Variants in KCND2 observed in about 807,000 individuals in gnomAD.
KCND2 encodes the protein potassium voltage-gated channel subfamily D member 2, also known as A-type voltage-gated potassium channel KCND2.
KCND2 carries 16 observed loss-of-function variants against 54.4 expected under a neutral mutation model. That is an observed-to-expected ratio of 0.29 (90% confidence interval 0.20 to 0.45). The LOEUF is 0.45. KCND2 is among the 20% of genes least tolerant of loss of function. The pLI, the probability that KCND2 is intolerant of heterozygous loss-of-function variation, is 1.00. For synonymous variants in KCND2, 317 were observed against 310.7 expected, an observed-to-expected ratio of 1.02 and a Z score of -0.21; for missense variants, 486 against 824.2, an observed-to-expected ratio of 0.59 and a Z score of 5.02.
At chr7:120,413,986 C>G (rs902783728) in intron 1 of KCND2, among the ~76,000 whole-genome samples, 1 of 149,662 alleles carries the variant, frequency 6.7e-6, no homozygotes, top group African/African-American at 2.5e-5. Context: ...ATAAGTTAAT[C>G]TATTAAACTG....
intron 1 of KCND2, among the ~76,000 whole-genome samples, chr7:120,673,916 T>A (rs1204893546): frequency 6.6e-6 from 1 of 151,608 alleles, no homozygotes; most frequent in Non-Finnish European, 1.5e-5. Context: ...TTTATTTTTT[T>A]TTTTTTCTAC....
intron 1 of KCND2, among the ~76,000 whole-genome samples, chr7:120,375,061 A>C (rs913510247): frequency 1.3e-5 from 2 of 151,850 alleles, no homozygotes; most frequent in East Asian, 3.9e-4. Context: ...CTCTTGGAAT[A>C]ATGCCAGGAA....
At chr7:120,572,456 T>C (rs918795746) in intron 1 of KCND2, among the ~76,000 whole-genome samples, 3 of 152,188 alleles carry the variant, frequency 2.0e-5, no homozygotes, top group African/African-American at 7.2e-5. Flanking sequence ...AGGCAATACA[T>C]TGCCTTACTT....
At chr7:120,616,461 A>G (rs1793026088) in intron 1 of KCND2, among the ~76,000 whole-genome samples, 1 of 152,198 alleles carries the variant, frequency 6.6e-6, no homozygotes, top group Non-Finnish European at 1.5e-5. Flanking sequence ...TAAGAATCTG[A>G]TAGAAATTGA....
chr7:120,292,285 TA>T (rs2116278079), intron 1 of KCND2, among the ~76,000 whole-genome samples: 1 of 152,048 alleles, frequency 6.6e-6, no homozygotes, highest in East Asian at 1.9e-4. Flanking sequence ...TATTACTTTT[TA>T]TTTTTTTAAG....
At chr7:120,429,531 G>C (rs1427537301) in intron 1 of KCND2, among the ~76,000 whole-genome samples, 6 of 150,526 alleles carry the variant, frequency 4.0e-5, no homozygotes, top group Non-Finnish European at 8.9e-5. Flanking sequence ...GGGTTGGAGA[G>C]GGGGGAAGGG....
At chr7:120,407,019 G>A (rs1386566437) in intron 1 of KCND2, among the ~76,000 whole-genome samples, 2 of 151,766 alleles carry the variant, frequency 1.3e-5, no homozygotes, top group Non-Finnish European at 2.9e-5. Flanking sequence ...AAGGGCGTGA[G>A]TGAGATTTTG....
At chr7:120,746,875 T>C (rs1158033703) in intron 5 of KCND2, 1 of 152,120 alleles carries the variant, frequency 6.6e-6, no homozygotes, top group Non-Finnish European at 1.5e-5. Flanking sequence ...ATTCAGGTGA[T>C]GTTGATTTAC....
chr7:120,659,401 C>G (rs1387532233), intron 1 of KCND2, among the ~76,000 whole-genome samples: 3 of 152,184 alleles, frequency 2.0e-5, no homozygotes, highest in Non-Finnish European at 4.4e-5. Context: ...CATGCAGTCT[C>G]CTTGACTAGA....
At chr7:120,341,462 C>A (rs1800238456) in intron 1 of KCND2, among the ~76,000 whole-genome samples, 1 of 151,956 alleles carries the variant, frequency 6.6e-6, no homozygotes, top group African/African-American at 2.4e-5. Flanking sequence ...TGTTAAGGGG[C>A]CTTGAAAAAT....
In KCND2 at chr7:120,275,101, G is replaced by T. The variant is rs144765242; in HGVS notation, c.469G>T (p.Ala157Ser). 1.9e-6 allele frequency: 3 copies of T among 1,613,588 alleles called. No homozygotes were observed. Among genetic ancestry groups the T allele is most frequent in the Non-Finnish European group, 1.7e-6 (2 of 1,179,894 alleles). Residue 157 changes from alanine (A) to serine (S), a missense_variant, in exon 1 of 6, where the codon GCT becomes TCT. By Grantham distance (99) the Ala-to-Ser change is moderately conservative. Around this residue, in one of 7 missense-constraint regions of KCND2, gnomAD observed 231 missense variants for 386.0 expected, o/e 0.60. Coordinates refer to ENST00000331113, the MANE Select transcript of KCND2 (RefSeq NM_012281.3). The part of the protein sequence containing the change: ...RLQDDADTDT[A>S]GESALPTMTA... ...GCAGGACGACGCGGATACCGACACC[G>T]CTGGGGAGAGCGCCTTGCCCACCAT...
intron 1 of KCND2, among the ~76,000 whole-genome samples, chr7:120,568,205 G>C (rs1046030323): frequency 6.6e-6 from 1 of 152,044 alleles, no homozygotes; most frequent in Non-Finnish European, 1.5e-5. Flanking sequence ...AGTAAATTCT[G>C]TGGAGTTGCA....
At chr7:120,709,245 T>G (rs1055062076) in intron 1 of KCND2, among the ~76,000 whole-genome samples, 3 of 152,168 alleles carry the variant, frequency 2.0e-5, no homozygotes, top group African/African-American at 7.2e-5. Context: ...TGGTTCTAAG[T>G]AAAGAAAACA....
intron 1 of KCND2, among the ~76,000 whole-genome samples, chr7:120,650,948 A>T (rs1234825511): frequency 7.0e-6 from 1 of 143,170 alleles, no homozygotes; most frequent in Non-Finnish European, 1.5e-5. Flanking sequence ...TGAACAGCAA[A>T]CGTTGCCACC....
At chr7:120,534,685 C>T (rs527366723) in intron 1 of KCND2, among the ~76,000 whole-genome samples, 3 of 152,054 alleles carry the variant, frequency 2.0e-5, no homozygotes, top group Admixed American at 2.0e-4. Context: ...ATATAAGATG[C>T]TGGCAATAGG....
At chr7:120,295,376 A>G (rs1799496006) in intron 1 of KCND2, among the ~76,000 whole-genome samples, 2 of 143,414 alleles carry the variant, frequency 1.4e-5, no homozygotes, top group South Asian at 4.4e-4. Flanking sequence ...ACACACACAC[A>G]CACACACACA....
At chr7:120,670,034 G>T (rs1366571324) in intron 1 of KCND2, among the ~76,000 whole-genome samples, 1 of 151,956 alleles carries the variant, frequency 6.6e-6, no homozygotes, top group East Asian at 1.9e-4. Flanking sequence ...GGGATAAAAG[G>T]CTACATATTG....
chr7:120,500,291 T>A (rs1475655138), intron 1 of KCND2, among the ~76,000 whole-genome samples: 2 of 152,214 alleles, frequency 1.3e-5, no homozygotes, highest in African/African-American at 2.4e-5. Flanking sequence ...AGGTACACAC[T>A]GTGCTTAGCA....
chr7:120,464,420 A>G (rs575389645), intron 1 of KCND2, among the ~76,000 whole-genome samples: 4 of 152,280 alleles, frequency 2.6e-5, no homozygotes, highest in South Asian at 2.1e-4. Context: ...TAATAGCTCT[A>G]TGAATTTTAG....
Sources: allele counts gnomAD v4.1 joint callset (sites outside exome capture counted in the v4.1 genomes callset), GRCh38; gene constraint gnomAD v4.1.1; regional missense constraint gnomAD v4.1.1; transcripts MANE v1.5; gene names NCBI Gene and HGNC (gene_info 2026-07-23, HGNC 2026-07-21).